Variants in DIP2C observed in about 807,000 individuals in gnomAD.
The protein encoded by DIP2C is DIP2 acetate--CoA ligase C (putative), also known as disco-interacting protein 2 homolog C.
DIP2C carries 33 observed loss-of-function variants against 192.4 expected under a neutral mutation model. The observed-to-expected ratio is 0.17, with a 90% CI of 0.13 to 0.23. The LOEUF is 0.23. Ranked by LOEUF, DIP2C falls within the 10% of genes least tolerant of loss-of-function variation. The probability of loss-of-function intolerance (pLI) is 1.00; values close to 1 mark genes in which losing one functional copy is unlikely to be tolerated. For synonymous variants in DIP2C, 979 were observed against 864.1 expected (o/e 1.13, Z -2.33); for missense variants, 1,537 against 2,110.1 (o/e 0.73, Z 5.32).
chr10:595,388 G>A (rs1173227866), intron 1 of DIP2C, among the ~76,000 whole-genome samples: 1 of 152,174 alleles, frequency 6.6e-6, no homozygotes. Flanking sequence ...TGGTTCAACT[G>A]AATAAAATAT....
intron 3 of DIP2C, among the ~76,000 whole-genome samples, chr10:454,312 T>C (rs181366400): frequency 3.5e-5 from 4 of 113,392 alleles, no homozygotes; most frequent in Admixed American, 2.3e-4. Flanking sequence ...GTTAGATAAA[T>C]TGGTTAACTA....
chr10:443,669 A>C (rs1056438453), intron 3 of DIP2C, among the ~76,000 whole-genome samples: 2 of 152,124 alleles, frequency 1.3e-5, no homozygotes, highest in Non-Finnish European at 2.9e-5. Context: ...ATCCCACATG[A>C]TCCATTCCAG....
At chr10:390,610 A>C in intron 11 of DIP2C, 130 bp downstream of exon 11, 1 of 1,468,520 alleles carries the variant, frequency 6.8e-7, no homozygotes, top group Non-Finnish European at 9.2e-7. Context: ...AGAACGCGTG[A>C]AAACTCGTGG....
At chr10:605,135 G>A (rs761382991) in intron 1 of DIP2C, among the ~76,000 whole-genome samples, 42 of 152,210 alleles carry the variant, frequency 2.8e-4, no homozygotes, top group Non-Finnish European at 5.6e-4. Context: ...TGCCGTGAGC[G>A]CAGCCCTGGC....
intron 6 of DIP2C, among the ~76,000 whole-genome samples, chr10:418,243 C>A (rs1268981434): frequency 1.7e-4 from 23 of 133,488 alleles, no homozygotes; most frequent in African/African-American, 3.2e-4. Context: ...TTCGATAGGC[C>A]TCCCTGTTCA....
intron 1 of DIP2C, chr10:628,555 G>C (rs943557890): frequency 1.3e-5 from 2 of 152,340 alleles, no homozygotes; most frequent in African/African-American, 4.8e-5. Flanking sequence ...TGATGGGCCT[G>C]CGGGGACATG....
chr10:339,652 G>A (rs752516908), intron 29 of DIP2C, among the ~76,000 whole-genome samples: 2 of 152,012 alleles, frequency 1.3e-5, no homozygotes, highest in African/African-American at 2.4e-5. Context: ...TCAGCTTGGC[G>A]CATATACCTG....
intron 34 of DIP2C, among the ~76,000 whole-genome samples, 171 bp from the exon 35 acceptor site, chr10:283,617 G>A (rs893944866): frequency 1.3e-5 from 2 of 152,212 alleles, no homozygotes; most frequent in African/African-American, 4.8e-5. Context: ...GAGACACACA[G>A]AGGATACTGA....
chr10:569,991 G>A (rs1257789813), intron 1 of DIP2C, among the ~76,000 whole-genome samples: 1 of 152,166 alleles, frequency 6.6e-6, no homozygotes, highest in Non-Finnish European at 1.5e-5. Flanking sequence ...GGTCCTATCA[G>A]CTCACCCCTG....
rs138294117 is a variant in DIP2C, at chr10:274,960, T to C, written c.*2365A>G. 1 of 152,360 alleles carries C rather than the reference T, an allele frequency of 6.6e-6. No individual in the cohort carries two copies. The highest frequency in any genetic ancestry group is 1.9e-4 in the East Asian group (1 of 5,188). 9.4% of individuals were successfully genotyped at this position (152,360 alleles called of 1,614,324 possible). A position where few individuals can be genotyped will look rare whatever the true frequency, so the allele number is the denominator to read the frequency against. On this transcript the variant is annotated 3_prime_UTR_variant, in exon 37 of 37. Coordinates refer to ENST00000280886, the MANE Select transcript of DIP2C (RefSeq NM_014974.3). ...TGGTGGTACTAAGTGTCTCCTTTCCTTTCTCTTGCACAACCAAATTTCAAT... is the reference window on the plus strand; with the variant it reads ...TGGTGGTACTAAGTGTCTCCTTTCCCTTCTCTTGCACAACCAAATTTCAAT...
chr10:655,999 TATA>T (rs759040899), intron 1 of DIP2C, among the ~76,000 whole-genome samples: 50 of 152,108 alleles, frequency 3.3e-4, no homozygotes, highest in African/African-American at 1.1e-3. Context: ...CACTATACTA[TATA>T]ATGTTACACT....
chr10:541,642 A>AC (rs1183007685), intron 1 of DIP2C, among the ~76,000 whole-genome samples: 8 of 143,468 alleles, frequency 5.6e-5, no homozygotes, highest in Non-Finnish European at 9.0e-5. Flanking sequence ...CCACAGCGTG[A>AC]CCCTCCACCC....
At chr10:420,046 ATCC>A (rs1966075762) in intron 5 of DIP2C, among the ~76,000 whole-genome samples, 1 of 152,198 alleles carries the variant, frequency 6.6e-6, no homozygotes, top group Admixed American at 6.5e-5. Context: ...GCGATCCTGA[ATCC>A]TCCTCTGATG....
chr10:609,011 C>A (rs948160101), intron 1 of DIP2C, among the ~76,000 whole-genome samples: 2 of 151,724 alleles, frequency 1.3e-5, no homozygotes, highest in African/African-American at 4.8e-5. Context: ...GAAGAAAACC[C>A]TATAAGCATG....
At chr10:526,152 G>A (rs1198471930) in intron 1 of DIP2C, among the ~76,000 whole-genome samples, 2 of 152,150 alleles carry the variant, frequency 1.3e-5, no homozygotes, top group Non-Finnish European at 2.9e-5. Flanking sequence ...GGACCGACCG[G>A]GGCTCACATC....
At chr10:613,224 A>C (rs1223461178) in intron 1 of DIP2C, among the ~76,000 whole-genome samples, 1 of 152,244 alleles carries the variant, frequency 6.6e-6, no homozygotes, top group Non-Finnish European at 1.5e-5. Context: ...ACTTTTGAAG[A>C]ACAGATGTGC....
At chr10:686,922 G>A (rs191469387) in intron 1 of DIP2C, among the ~76,000 whole-genome samples, 25 of 152,374 alleles carry the variant, frequency 1.6e-4, no homozygotes, top group Non-Finnish European at 2.6e-4. Flanking sequence ...AACCTCAGGG[G>A]AATGCTCTAC....
intron 1 of DIP2C, among the ~76,000 whole-genome samples, chr10:497,170 A>T (rs1409747471): frequency 6.6e-6 from 1 of 152,146 alleles, no homozygotes; most frequent in Non-Finnish European, 1.5e-5. Flanking sequence ...CAATACCCCA[A>T]ACAACGTGAG....
At chr10:604,971 G>A (rs2131723088) in intron 1 of DIP2C, among the ~76,000 whole-genome samples, 1 of 152,312 alleles carries the variant, frequency 6.6e-6, no homozygotes, top group South Asian at 2.1e-4. Flanking sequence ...CGGGGAAAAG[G>A]CCATCTACTT....
Sources: allele counts gnomAD v4.1 joint callset (sites outside exome capture counted in the v4.1 genomes callset), GRCh38; gene constraint gnomAD v4.1.1; transcripts MANE v1.5; gene names NCBI Gene and HGNC (gene_info 2026-07-23, HGNC 2026-07-21).